HOXD13: variants seen among roughly 807,000 people sequenced by gnomAD.
HOXD13 encodes homeobox D13, also known as homeobox protein Hox-D13.
A neutral mutation model predicts 27.3 loss-of-function variants in HOXD13; 16 were observed. That is an observed-to-expected ratio of 0.59 (90% CI 0.40 to 0.89). The LOEUF (loss-of-function observed/expected upper bound fraction) is 0.89. HOXD13 is among the 40% of genes least tolerant of loss of function. The probability of loss-of-function intolerance (pLI) is 0.00; values close to 1 mark genes in which losing one functional copy is unlikely to be tolerated. For synonymous variants in HOXD13, 241 were observed against 219.0 expected, an observed-to-expected ratio of 1.10 and a Z score of -0.89; for missense variants, 481 against 482.6, an observed-to-expected ratio of 1.00 and a Z score of 0.03.
chr2:176,093,185 C>G lies in HOXD13; in HGVS notation c.295C>G (p.Pro99Ala). Residue 99 changes from proline (P) to alanine (A), a missense_variant, in exon 1 of 2, where the codon CCG becomes GCG. By Grantham distance (27) the Pro-to-Ala change is conservative. Transcript: ENST00000392539. ...SSSSAVVAAR[P>A]EAPPAKECPA... ...CTCTTCTGCCGTTGTAGCGGCGCGC[C>G]CGGAGGCTCCCCCAGCCAAAGAGTG... is the stretch of plus-strand genomic sequence containing the variant. The G allele has an allele frequency of 6.2e-7, 1 of 1,608,916 alleles. No homozygotes were observed. The highest frequency in any genetic ancestry group is 8.5e-7 in the Non-Finnish European group (1 of 1,179,560).
Position 176,093,226 on chromosome 2 carries a change from TGCAGCG to T in HOXD13, c.339_344del (p.Ala117_Ala118del). The T allele has an allele frequency of 6.2e-7, 1 of 1,609,372 alleles. No individual in the cohort carries two copies. The highest frequency in any genetic ancestry group is 8.5e-7 in the Non-Finnish European group (1 of 1,179,262). ...CCAAAGAGTGCCCAGCACCCACGCC[TGCAGCG>T]GCCGCTGCAGCGCCCCCGAGCGCTC... On this transcript the variant is annotated inframe_deletion, in exon 1 of 2. Coordinates refer to ENST00000392539, the MANE Select transcript of HOXD13 (RefSeq NM_000523.4).
Position 176,095,133 on chromosome 2 carries a change from A to G in HOXD13, c.*403A>G, listed in dbSNP as rs1689393996. On this transcript the variant is annotated 3_prime_UTR_variant, in exon 2 of 2. Coordinates refer to ENST00000392539, the MANE Select transcript of HOXD13 (RefSeq NM_000523.4). The stretch of plus-strand genomic sequence containing the variant: ...TTCATTCCCAGCACTGATTATCTTC[A>G]TAATCCATTAGGACAGAATGGTTTT... 3.1e-6 allele frequency: 1 copy of G among 318,662 alleles called. No individual in the cohort carries two copies. Among genetic ancestry groups the G allele is most frequent in the Non-Finnish European group, 5.9e-6 (1 of 169,502 alleles). 19.7% of individuals were successfully genotyped at this position (318,662 alleles called of 1,614,324 possible). A position where few individuals can be genotyped will look rare whatever the true frequency, so the allele number is the denominator to read the frequency against.
chr2:176,094,577 C>T lies in HOXD13; in HGVS notation c.879C>T (p.Asn293=), dbSNP rs753639374. 29 of 1,613,902 alleles carry T rather than the reference C, an allele frequency of 1.8e-5. No individual in the cohort carries two copies. The highest frequency in any genetic ancestry group is 3.3e-5 in the South Asian group (3 of 91,086). The change falls in exon 2 of 2, where the codon AAC becomes AAT. Residue 293 remains asparagine, a synonymous_variant. Transcript: ENST00000392539. The part of the protein sequence containing the change: ...YTKLQLKELE[N]EYAINKFINK... ...AACTGCAGCTTAAAGAACTGGAGAA[C>T]GAGTATGCCATTAACAAATTCATTA...
rs112259280 is a variant in HOXD13, at chr2:176,095,532, A to G, written c.*802A>G. 498 of 229,124 alleles carry G rather than the reference A, an allele frequency of 2.2e-3. 7 individuals carry two copies. Among genetic ancestry groups the G allele is most frequent in the African/African-American group, 0.01 (453 of 45,120 alleles). The allele number at this position is 229,124 out of a possible 1,614,324, so 14.2% of individuals were successfully genotyped here. The stretch of plus-strand genomic sequence containing the variant: ...CTGCAATCAGTAGAGTGACCCGCGG[A>G]TGGCATAAATGCACCTCCTTTTCTT... On this transcript the variant is annotated 3_prime_UTR_variant, in exon 2 of 2. Coordinates refer to ENST00000392539, the MANE Select transcript of HOXD13 (RefSeq NM_000523.4).
rs200750564 is a variant in HOXD13 at position 176,094,518 on chromosome 2, C to T, written c.820C>T (p.Arg274Ter). The part of the protein sequence containing the change: ...ALNQPDMCVY[R>*]RGRKKRVPYT... The stretch of plus-strand genomic sequence containing the variant: ...AAATCAGCCGGACATGTGCGTCTAC[C>T]GAAGAGGGAGGAAGAAGAGAGTGCC... Residue 274 changes from arginine (R) to a stop codon, truncating the protein, a stop_gained, in exon 2 of 2, where the codon CGA becomes TGA. Coordinates refer to ENST00000392539, the MANE Select transcript of HOXD13 (RefSeq NM_000523.4). LOFTEE classifies it high-confidence loss of function. The T allele has an allele frequency of 5.6e-6, 9 of 1,613,792 alleles. No homozygotes were observed. The highest frequency in any genetic ancestry group is 7.6e-6 in the Non-Finnish European group (9 of 1,179,940).
Position 176,093,073 on chromosome 2 carries a change from AGCGGCGGCTGCGGCGGCGGCGGCG to A in HOXD13, c.186_209del (p.Ala64_Ala71del). On this transcript the variant is annotated inframe_deletion, in exon 1 of 2. Transcript: ENST00000392539. ...ATTCGGGGCGGGCGGCGGCGGCGGC[AGCGGCGGCTGCGGCGGCGGCGGCG>A]GCAGCCTCCGGCTTTGCGTACCCCG... The A allele has an allele frequency of 7.3e-7, 1 of 1,377,776 alleles. No homozygotes were observed. Among genetic ancestry groups the A allele is most frequent in the Non-Finnish European group, 9.3e-7 (1 of 1,072,110 alleles). The allele number at this position is 1,377,776 out of a possible 1,614,324, so 85.3% of individuals were successfully genotyped here.
intron 1 of HOXD13, among the ~76,000 whole-genome samples, 169 bp from the exon 2 acceptor site, chr2:176,094,307 GGTAA>G (rs1225312670): frequency 6.6e-6 from 1 of 151,772 alleles, no homozygotes; most frequent in African/African-American, 2.4e-5. Flanking sequence ...TTTAATAACA[GGTAA>G]GTGTTATGTC....
chr2:176,088,340 T>A (rs545655860), upstream of HOXD13, among the ~76,000 whole-genome samples: 1 of 152,354 alleles, frequency 6.6e-6, no homozygotes, highest in South Asian at 2.1e-4. Flanking sequence ...CCCACTCCCG[T>A]CGCAATCCCG....
At chr2:176,089,242 G>A (rs956451588), upstream of HOXD13, among the ~76,000 whole-genome samples, 1 of 152,142 alleles carries the variant, frequency 6.6e-6, no homozygotes, top group Non-Finnish European at 1.5e-5. Context: ...GATATCTCCA[G>A]GCTGAGTAAA....
At chr2:176,092,042 CTGTCT>C (rs1689327763), upstream of HOXD13, among the ~76,000 whole-genome samples, 1 of 152,176 alleles carries the variant, frequency 6.6e-6, no homozygotes, top group Non-Finnish European at 1.5e-5. Context: ...GCGCCGATGC[CTGTCT>C]TTCATCTGTT....
chr2:176,094,770 G>A lies in HOXD13; in HGVS notation c.*40G>A, dbSNP rs778217352. 36 of 1,597,958 alleles carry A rather than the reference G, an allele frequency of 2.3e-5. 1 individual carries two copies. In the Middle Eastern group the frequency reaches 8.3e-4, roughly 37 times the overall value. ...GCCACAGACAGCTTAGAAGCCATTC[G>A]GTTGTCTCCAAAAGGCCTTTGGAAA... On this transcript the variant is annotated 3_prime_UTR_variant, in exon 2 of 2. Coordinates refer to ENST00000392539, the MANE Select transcript of HOXD13 (RefSeq NM_000523.4).
chr2:176,093,591 T>C lies in HOXD13; in HGVS notation c.701T>C (p.Leu234Pro). ...ISMEGYQSWT[L>P]ANGWNSQVYC... is the part of the protein sequence containing the mutation. ...ATGGAGGGGTACCAGTCCTGGACGC[T>C]GGCTAACGGGTGGAACAGCCAGGTG... The change falls in exon 1 of 2, where the codon CTG (leucine) becomes CCG (proline). Residue 234 changes from leucine to proline, a missense_variant. Leu to Pro is a moderately conservative substitution (Grantham distance 98). Coordinates refer to ENST00000392539, the MANE Select transcript of HOXD13 (RefSeq NM_000523.4). 6.2e-7 allele frequency: 1 copy of C among 1,613,770 alleles called. No homozygotes were observed. Among genetic ancestry groups the C allele is most frequent in the South Asian group, 1.1e-5 (1 of 91,080 alleles).
upstream of HOXD13, among the ~76,000 whole-genome samples, chr2:176,091,101 T>C (rs1233845848): frequency 3.9e-5 from 6 of 152,204 alleles, no homozygotes. Context: ...TCCCCTTTAT[T>C]TGAGCCTTTT....
At position 176,094,462 on chromosome 2, in the gene HOXD13, T is replaced by C; in HGVS notation, c.782-18T>C. 6.2e-7 allele frequency: 1 copy of C among 1,613,986 alleles called. No homozygotes were observed. The highest frequency in any genetic ancestry group is 8.5e-7 in the Non-Finnish European group (1 of 1,179,958). ...GAATATCCCAGCCTAATTTTTCTTG[T>C]GCTTTTGTTTGTATCAGGGGATGTG... On this transcript the variant is annotated intron_variant, in intron 1 of 1. Coordinates refer to ENST00000392539, the MANE Select transcript of HOXD13 (RefSeq NM_000523.4).
rs1689384988 is a variant in HOXD13, at chr2:176,094,643, A to G, written c.945A>G (p.Leu315=). 5.0e-6 allele frequency: 8 copies of G among 1,613,978 alleles called. No individual in the cohort carries two copies. Among genetic ancestry groups the G allele is most frequent in the South Asian group, 3.3e-5 (3 of 91,078 alleles). The change falls in exon 2 of 2, where the codon CTA becomes CTG. Residue 315 remains leucine (L), a synonymous_variant. Transcript: ENST00000392539. ...GGCGTATCTCGGCTGCTACGAACCT[A>G]TCTGAGAGACAAGTGACCATTTGGT... ...KRRRISAATN[L]SERQVTIWFQ...
chr2:176,093,897 C>G (rs1689372341), intron 1 of HOXD13, among the ~76,000 whole-genome samples: 1 of 152,180 alleles, frequency 6.6e-6, no homozygotes, highest in Non-Finnish European at 1.5e-5. Flanking sequence ...GTGTGCAGCG[C>G]AGACACGTTT....
chr2:176,093,547 G>C lies in HOXD13; in HGVS notation c.657G>C (p.Arg219=). 6.2e-7 allele frequency: 1 copy of C among 1,613,866 alleles called. No individual in the cohort carries two copies. The highest frequency in any genetic ancestry group is 8.5e-7 in the Non-Finnish European group (1 of 1,179,920). Residue 219 remains arginine (R), a synonymous_variant, in exon 1 of 2, where the codon CGG becomes CGC. Coordinates refer to ENST00000392539, the MANE Select transcript of HOXD13 (RefSeq NM_000523.4). ...MVSTFGSGEP[R]HEAYISMEGY... is the part of the protein sequence containing the mutation. ...CCACTTTCGGCTCCGGGGAGCCTCG[G>C]CACGAGGCCTACATCTCCATGGAGG...
chr2:176,092,209 C>T (rs761670928), upstream of HOXD13, among the ~76,000 whole-genome samples: 2 of 152,116 alleles, frequency 1.3e-5, no homozygotes, highest in Admixed American at 1.3e-4. Flanking sequence ...TTAGCTCACT[C>T]GGATTTGGGG....
rs1559108705 is a variant in HOXD13 at position 176,094,499 on chromosome 2, G to A, written c.801G>A (p.Gln267=). ...SSFPGDVALN[Q]PDMCVYRRGR... The stretch of plus-strand genomic sequence containing the variant: ...TATCAGGGGATGTGGCTCTAAATCA[G>A]CCGGACATGTGCGTCTACCGAAGAG... The change falls in exon 2 of 2, where the codon CAG becomes CAA. Residue 267 remains glutamine, a synonymous_variant. Coordinates refer to ENST00000392539, the MANE Select transcript of HOXD13 (RefSeq NM_000523.4). 1 of 1,613,980 alleles carries A rather than the reference G, an allele frequency of 6.2e-7. No individual in the cohort carries two copies. Among genetic ancestry groups the A allele is most frequent in the South Asian group, 1.1e-5 (1 of 91,078 alleles).
Sources: gnomAD v4.1 joint callset for allele counts (sites outside exome capture counted in the v4.1 genomes callset) on GRCh38, gnomAD v4.1.1 for gene constraint, MANE v1.5 for transcripts, NCBI Gene and HGNC (gene_info 2026-07-23, HGNC 2026-07-21) for gene names.